SYT16: variants seen among roughly 807,000 people sequenced by gnomAD.
The protein encoded by SYT16 is synaptotagmin 16, also known as synaptotagmin-16.
In SYT16, 42 loss-of-function variants were observed where a neutral mutation model predicts 61.4. That is an observed-to-expected ratio of 0.68 (90% CI 0.53 to 0.89). The LOEUF (loss-of-function observed/expected upper bound fraction) is 0.89, where lower values mean the gene tolerates loss of function less well. Among genes scored for constraint, SYT16 ranks in the 40% least tolerant of loss-of-function variants. The probability of loss-of-function intolerance (pLI) is 0.00; values close to 1 mark genes in which losing one functional copy is unlikely to be tolerated. For synonymous variants in SYT16, 314 were observed against 302.3 expected (o/e 1.04, Z -0.40); for missense variants, 804 against 807.3 (o/e 1.00, Z 0.05).
At position 61,981,136 on chromosome 14, in the gene SYT16, G is replaced by T. The variant is rs543772902; in HGVS notation, c.-145+10825G>T. On this transcript the variant is annotated intron_variant, in intron 2 of 7. Transcript: ENST00000683842. Reference sequence around the variant, plus strand: ...TGCTGCACAATTCCTTCTTGTTTGTGGGAGGTCAGTTTTTGTACCATTAAG... The same window carrying T: ...TGCTGCACAATTCCTTCTTGTTTGTTGGAGGTCAGTTTTTGTACCATTAAG... Among the ~76,000 whole-genome samples the T allele has an allele frequency of 2.6e-5, 4 of 152,254 alleles. No individual in the cohort carries two copies. In the East Asian group the frequency reaches 7.7e-4, roughly 29 times the overall value.
At chr14:61,978,584 G>T (rs2051920168) in intron 2 of SYT16, among the ~76,000 whole-genome samples, 1 of 152,202 alleles carries the variant, frequency 6.6e-6, no homozygotes, top group African/African-American at 2.4e-5. Flanking sequence ...GCTTTAAAAA[G>T]AATGCCAGGT....
chr14:62,021,576 G>T (rs1269104654), intron 3 of SYT16, among the ~76,000 whole-genome samples: 8 of 151,912 alleles, frequency 5.3e-5, no homozygotes, highest in Non-Finnish European at 1.0e-4. Flanking sequence ...TCCCCCAATG[G>T]CTTAAGTCTA....
intron 1 of SYT16, among the ~76,000 whole-genome samples, chr14:61,842,524 G>A (rs957891748): frequency 2.0e-5 from 3 of 151,994 alleles, no homozygotes; most frequent in Admixed American, 2.0e-4. Flanking sequence ...TTTTATGGCT[G>A]AATAGTACTC....
At chr14:61,877,705 T>C (rs993989409) in intron 1 of SYT16, among the ~76,000 whole-genome samples, 1 of 152,188 alleles carries the variant, frequency 6.6e-6, no homozygotes, top group Non-Finnish European at 1.5e-5. Context: ...CCCTGTGGCC[T>C]TCTCCCTGGG....
intron 1 of SYT16, among the ~76,000 whole-genome samples, chr14:61,818,221 T>G (rs943579389): frequency 6.6e-6 from 1 of 152,172 alleles, no homozygotes; most frequent in Non-Finnish European, 1.5e-5. Context: ...GCGTTGGTAT[T>G]TCACCAGGCT....
At chr14:61,862,102 ATTC>A (rs1370364013) in intron 1 of SYT16, among the ~76,000 whole-genome samples, 2 of 152,238 alleles carry the variant, frequency 1.3e-5, no homozygotes, top group African/African-American at 4.8e-5. Flanking sequence ...TTATTGTTAT[ATTC>A]TTATAGCTTT....
chr14:61,857,180 T>C (rs1198448734), intron 1 of SYT16, among the ~76,000 whole-genome samples: 3 of 151,934 alleles, frequency 2.0e-5, no homozygotes, highest in Non-Finnish European at 4.4e-5. Context: ...CTAAGAAGGA[T>C]GTAAAGCGCC....
At chr14:62,060,525 A>G (rs75377479) in intron 3 of SYT16, among the ~76,000 whole-genome samples, 8 of 144,410 alleles carry the variant, frequency 5.5e-5, no homozygotes, top group Non-Finnish European at 1.1e-4. Flanking sequence ...TTTTTTTTTT[A>G]TCAGAAATTG....
intron 1 of SYT16, among the ~76,000 whole-genome samples, chr14:61,929,224 T>C (rs749504934): frequency 4.6e-5 from 7 of 152,196 alleles, no homozygotes; most frequent in Non-Finnish European, 7.3e-5. Flanking sequence ...TGAAATTTGT[T>C]GGTCAAGGCT....
chr14:61,873,496 C>T (rs1452999090), intron 1 of SYT16, among the ~76,000 whole-genome samples: 3 of 152,232 alleles, frequency 2.0e-5, no homozygotes, highest in Non-Finnish European at 4.4e-5. Flanking sequence ...TGCCTATGCC[C>T]ATTGGCCACA....
chr14:61,892,023 C>G (rs1255245023), intron 1 of SYT16, among the ~76,000 whole-genome samples: 2 of 152,116 alleles, frequency 1.3e-5, no homozygotes, highest in Non-Finnish European at 1.5e-5. Flanking sequence ...TTTGGCTGGA[C>G]TGAAGCATTC....
chr14:61,882,219 A>C (rs370132058), intron 1 of SYT16, among the ~76,000 whole-genome samples: 20 of 152,212 alleles, frequency 1.3e-4, no homozygotes, highest in African/African-American at 4.8e-4. Flanking sequence ...TGAACAAAGG[A>C]TAATAAACAA....
At chr14:62,042,350 T>C (rs181319361) in intron 3 of SYT16, among the ~76,000 whole-genome samples, 15 of 152,312 alleles carry the variant, frequency 9.8e-5, no homozygotes, top group Admixed American at 8.5e-4. Flanking sequence ...TACCTTTGCG[T>C]GCAAGATATA....
chr14:61,823,691 G>A (rs2045688428), intron 1 of SYT16, among the ~76,000 whole-genome samples: 1 of 152,086 alleles, frequency 6.6e-6, no homozygotes, highest in African/African-American at 2.4e-5. Flanking sequence ...GGTGAAGGTT[G>A]CAGTGAGTTG....
intron 1 of SYT16, among the ~76,000 whole-genome samples, chr14:61,909,519 C>T (rs997323556): frequency 2.6e-5 from 4 of 152,166 alleles, no homozygotes; most frequent in Admixed American, 2.6e-4. Context: ...TTCCTCTCTC[C>T]TTCCTGTGTG....
At chr14:62,084,459 G>T in intron 7 of SYT16, 74 bp downstream of exon 7, 1 of 1,473,360 alleles carries the variant, frequency 6.8e-7, no homozygotes, top group Non-Finnish European at 9.1e-7. Flanking sequence ...TTTCATCTTA[G>T]TTCTTTAATT....
At chr14:62,074,095 A>C (rs894170468) in intron 4 of SYT16, among the ~76,000 whole-genome samples, 3 of 152,172 alleles carry the variant, frequency 2.0e-5, no homozygotes, top group Non-Finnish European at 4.4e-5. Flanking sequence ...GGCCAAAGAG[A>C]TAAGAGATCC....
intron 2 of SYT16, among the ~76,000 whole-genome samples, chr14:61,979,852 A>G (rs568746293): frequency 2.6e-5 from 4 of 152,320 alleles, no homozygotes; most frequent in African/African-American, 9.6e-5. Context: ...ACTGCACTCC[A>G]GCCTGGCGAC....
chr14:61,849,137 G>A (rs756795757), intron 1 of SYT16, among the ~76,000 whole-genome samples: 1 of 152,142 alleles, frequency 6.6e-6, no homozygotes, highest in Non-Finnish European at 1.5e-5. Context: ...GGGGGCCTCC[G>A]GACTCTGTCT....
Sources: gnomAD v4.1 joint callset for allele counts (sites outside exome capture counted in the v4.1 genomes callset) on GRCh38, gnomAD v4.1.1 for gene constraint, MANE v1.5 for transcripts, NCBI Gene and HGNC (gene_info 2026-07-23, HGNC 2026-07-21) for gene names.